JMJD1C: variants seen among roughly 807,000 people sequenced by gnomAD.
JMJD1C encodes the protein jumonji domain containing 1C, also known as jumonji domain-containing protein 1C.
JMJD1C carries 31 observed loss-of-function variants against 245.3 expected under a neutral mutation model. The ratio of observed to expected loss-of-function variants is 0.13; its 90% CI spans 0.09 to 0.17. JMJD1C has a LOEUF of 0.17. JMJD1C is among the 10% of genes least tolerant of loss of function. The pLI is 1.00. For missense variants in JMJD1C, 2,691 were observed against 3,000.2 expected, an observed-to-expected ratio of 0.90 and a Z score of 2.41; for synonymous variants, 1,057 against 1,017.4, an observed-to-expected ratio of 1.04 and a Z score of -0.74.
intron 2 of JMJD1C, among the ~76,000 whole-genome samples, chr10:63,274,593 T>C (rs752809870): frequency 1.3e-5 from 2 of 152,020 alleles, no homozygotes; most frequent in African/African-American, 4.8e-5. Flanking sequence ...GTTTTTAACA[T>C]TAATAACTCC....
chr10:63,357,073 C>T (rs1375712142), intron 2 of JMJD1C, among the ~76,000 whole-genome samples: 1 of 151,532 alleles, frequency 6.6e-6, no homozygotes, highest in African/African-American at 2.4e-5. Flanking sequence ...CTCACTCTGT[C>T]GCCAGGCTGG....
intron 1 of JMJD1C, among the ~76,000 whole-genome samples, chr10:63,381,888 C>A (rs185593580): frequency 2.6e-4 from 39 of 152,164 alleles, no homozygotes; most frequent in African/African-American, 8.7e-4. Flanking sequence ...ACTGATGACT[C>A]TAGAAGGAGA....
intron 3 of JMJD1C, among the ~76,000 whole-genome samples, chr10:63,251,539 A>T (rs1853075312): frequency 6.6e-6 from 1 of 152,204 alleles, no homozygotes; most frequent in Non-Finnish European, 1.5e-5. Flanking sequence ...GAAGAATTTG[A>T]TCTGGAATTA....
chr10:63,345,906 A>G (rs2134254648), intron 2 of JMJD1C, among the ~76,000 whole-genome samples: 1 of 152,304 alleles, frequency 6.6e-6, no homozygotes, highest in Non-Finnish European at 1.5e-5. Context: ...ATTAAAGGAG[A>G]CAGGGAAAAA....
rs767833843 is a variant in JMJD1C, at chr10:63,213,934, G to A, written c.2233C>T (p.His745Tyr). ...GTACCTGGATTTAAACAGGTTCTAT[G>A]AGATGAGGAGTGAAGAGGAAAAGGA... The part of the protein sequence containing the change: ...QHPFPLHSSS[H>Y]RTCLNPGTHH... The change falls in exon 8 of 26, where the codon CAT (histidine) becomes TAT (tyrosine). Residue 745 changes from histidine (H) to tyrosine (Y), a missense_variant. His to Tyr is a moderately conservative substitution (Grantham distance 83). Transcript: ENST00000399262. 9 of 1,614,032 alleles carry A rather than the reference G, an allele frequency of 5.6e-6. 1 individual carries two copies. The highest frequency in any genetic ancestry group is 5.0e-5 in the Admixed American group (3 of 60,006).
At chr10:63,514,222 A>T (rs1430553961) in intron 1 of JMJD1C, among the ~76,000 whole-genome samples, 1 of 152,230 alleles carries the variant, frequency 6.6e-6, no homozygotes, top group Non-Finnish European at 1.5e-5. Flanking sequence ...AGCAGTCTGG[A>T]CATTTCTGAA....
chr10:63,469,059 C>T (rs1361525569), upstream of JMJD1C, among the ~76,000 whole-genome samples: 1 of 152,170 alleles, frequency 6.6e-6, no homozygotes, highest in Non-Finnish European at 1.5e-5. Context: ...TAATTATCTA[C>T]TTAGTTTAGT....
chr10:63,404,608 AAAG>A (rs1245814560), intron 1 of JMJD1C, among the ~76,000 whole-genome samples: 24 of 152,322 alleles, frequency 1.6e-4, no homozygotes, highest in African/African-American at 3.6e-4. Context: ...TAATATGAAA[AAAG>A]AAGAAAAATG....
chr10:63,398,979 T>A (rs1480162618), intron 1 of JMJD1C, among the ~76,000 whole-genome samples: 2 of 151,316 alleles, frequency 1.3e-5, no homozygotes, highest in African/African-American at 4.8e-5. Flanking sequence ...AATTCCCTCA[T>A]CAAACCTTTC....
intron 3 of JMJD1C, among the ~76,000 whole-genome samples, chr10:63,240,464 A>T (rs894328879): frequency 6.6e-6 from 1 of 152,226 alleles, no homozygotes; most frequent in Non-Finnish European, 1.5e-5. Context: ...TGCACACTTG[A>T]ATATTAAATG....
At chr10:63,473,245 TA>T (rs558384171) in intron 1 of JMJD1C, among the ~76,000 whole-genome samples, 20 of 146,938 alleles carry the variant, frequency 1.4e-4, no homozygotes, top group Non-Finnish European at 2.5e-4. Context: ...CACATTTGGT[TA>T]AAAAAACTTT....
chr10:63,467,247 G>T (rs1220187177), upstream of JMJD1C, among the ~76,000 whole-genome samples: 1 of 151,420 alleles, frequency 6.6e-6, no homozygotes, highest in African/African-American at 2.5e-5. Context: ...GGTGCCTCAC[G>T]CCTGTAATCC....
chr10:63,273,124 C>A (rs1404410944), intron 2 of JMJD1C, among the ~76,000 whole-genome samples: 4 of 152,168 alleles, frequency 2.6e-5, no homozygotes, highest in Non-Finnish European at 5.9e-5. Flanking sequence ...AGAATCAATT[C>A]TTGATGCAAA....
chr10:63,502,820 T>C (rs920521638), intron 1 of JMJD1C, among the ~76,000 whole-genome samples: 1 of 152,196 alleles, frequency 6.6e-6, no homozygotes, highest in African/African-American at 2.4e-5. Context: ...GAATCAATTC[T>C]TACGGATAAA....
chr10:63,374,679 T>G (rs888958110), intron 2 of JMJD1C, among the ~76,000 whole-genome samples: 1 of 152,170 alleles, frequency 6.6e-6, no homozygotes, highest in Admixed American at 6.6e-5. Flanking sequence ...TCCCTAGAAC[T>G]GGAAACTACA....
intron 2 of JMJD1C, among the ~76,000 whole-genome samples, chr10:63,321,844 CT>C (rs1564784720): frequency 6.6e-6 from 1 of 152,218 alleles, no homozygotes; most frequent in African/African-American, 2.4e-5. Flanking sequence ...GATGCCCTCT[CT>C]CTTGACCTGG....
chr10:63,372,283 C>T (rs1401342240), intron 2 of JMJD1C, among the ~76,000 whole-genome samples: 2 of 152,208 alleles, frequency 1.3e-5, no homozygotes, highest in Admixed American at 6.5e-5. Flanking sequence ...AAAAAGTAGT[C>T]TGAGTTTCCT....
intron 2 of JMJD1C, among the ~76,000 whole-genome samples, chr10:63,314,298 G>A (rs1467075098): frequency 2.6e-5 from 4 of 152,252 alleles, no homozygotes; most frequent in Non-Finnish European, 5.9e-5. Flanking sequence ...GGTGGCTCAT[G>A]CCTATAATCC....
At chr10:63,399,018 GAA>G (rs1463846520) in intron 1 of JMJD1C, among the ~76,000 whole-genome samples, 1 of 146,384 alleles carries the variant, frequency 6.8e-6, no homozygotes, top group Admixed American at 6.8e-5. Flanking sequence ...CTAAAAAGAA[GAA>G]TAAATCCTTG....
Sources: gnomAD v4.1 joint callset for allele counts (sites outside exome capture counted in the v4.1 genomes callset) on GRCh38, gnomAD v4.1.1 for gene constraint, MANE v1.5 for transcripts, NCBI Gene and HGNC (gene_info 2026-07-23, HGNC 2026-07-21) for gene names.